The following DNAH2 variants were observed in gnomAD, a reference collection of about 807,000 sequenced individuals.
DNAH2 encodes axonemal beta dynein heavy chain 2.
In DNAH2, 323 loss-of-function variants were observed where a neutral mutation model predicts 523.5. The ratio of observed to expected loss-of-function variants is 0.62; its 90% CI spans 0.56 to 0.68. The LOEUF (loss-of-function observed/expected upper bound fraction) is 0.68, where lower values mean the gene tolerates loss of function less well. Ranked by LOEUF, DNAH2 falls within the 30% of genes least tolerant of loss-of-function variation. The pLI, the probability that DNAH2 is intolerant of heterozygous loss-of-function variation, is 0.00. For missense variants in DNAH2, 4,907 were observed against 5,701.5 expected, an observed-to-expected ratio of 0.86 and a Z score of 4.49; for synonymous variants, 2,093 against 2,177.4, an observed-to-expected ratio of 0.96 and a Z score of 1.08.
intron 44 of DNAH2, among the ~76,000 whole-genome samples, chr17:7,788,597 C>T (rs1334331112): frequency 6.6e-6 from 1 of 152,174 alleles, no homozygotes; most frequent in African/African-American, 2.4e-5. Context: ...AGATGAGGCC[C>T]TGGGACACCA....
rs2075255704 is a variant in DNAH2, at chr17:7,739,841, AT to A, written c.1281del (p.Ile427MetfsTer43). 1 of 1,613,566 alleles carries A rather than the reference AT, an allele frequency of 6.2e-7. No homozygotes were observed. Among genetic ancestry groups the A allele is most frequent in the Non-Finnish European group, 8.5e-7 (1 of 1,179,958 alleles). ...ACAGATAACACGGAACTTGCTGGAG[AT>A]TGAGGACATCTTTCATAAAAATCTG... ...GPQITRNLLE[I>X]EDIFHKNLHT... is the part of the protein sequence containing the mutation. On this transcript the variant is annotated frameshift_variant, in exon 9 of 86. Coordinates refer to ENST00000572933, the MANE Select transcript of DNAH2 (RefSeq NM_020877.5). LOFTEE classifies it high-confidence loss of function.
intron 7 of DNAH2, 88 bp from the exon 8 acceptor site, chr17:7,736,979 T>A: frequency 1.7e-6 from 2 of 1,157,822 alleles, no homozygotes; most frequent in South Asian, 3.1e-5. Flanking sequence ...TAAAACTCCA[T>A]CTAAAATAAA....
At position 7,804,305 on chromosome 17, in the gene DNAH2, C is replaced by T. The variant is rs770025508; in HGVS notation, c.9022C>T (p.Arg3008Trp). ...QELLAQANKLRTGLFKIDETR... is the reference protein window; with the variant it reads ...QELLAQANKLWTGLFKIDETR... ...GCTGCTGGCCCAAGCCAATAAACTGCGGACAGGCTTGTTCAAGATCGACGA... is the reference window on the plus strand; with the variant it reads ...GCTGCTGGCCCAAGCCAATAAACTGTGGACAGGCTTGTTCAAGATCGACGA... Residue 3008 changes from arginine (R) to tryptophan (W), a missense_variant, in exon 59 of 86, where the codon CGG becomes TGG. By Grantham distance (101) the Arg-to-Trp change is moderately radical. This residue lies in a region of DNAH2 where 1,851 missense variants were observed against 2,139.4 expected (regional missense o/e 0.87). Coordinates refer to ENST00000572933, the MANE Select transcript of DNAH2 (RefSeq NM_020877.5). The T allele has an allele frequency of 1.9e-5, 31 of 1,614,040 alleles. No individual in the cohort carries two copies. The highest frequency in any genetic ancestry group is 8.8e-5 in the South Asian group (8 of 91,086).
At chr17:7,782,438 A>G (rs1166882622) in intron 39 of DNAH2, among the ~76,000 whole-genome samples, 1 of 152,212 alleles carries the variant, frequency 6.6e-6, no homozygotes, top group Non-Finnish European at 1.5e-5. Flanking sequence ...TTCAATATTA[A>G]GTAGTTCTAG....
chr17:7,757,113 G>T lies in DNAH2; in HGVS notation c.1927G>T (p.Glu643Ter). 6.2e-7 allele frequency: 1 copy of T among 1,614,120 alleles called. No individual in the cohort carries two copies. The highest frequency in any genetic ancestry group is 8.5e-7 in the Non-Finnish European group (1 of 1,180,006). ...AAGGTCCCTTCTGATTCTCTTTGCG[G>T]AAATTGACTACTGGGAGCGGCTGCT... ...FDKSLLILFA[E>*]IDYWERLLFE... The change falls in exon 13 of 86, where the codon GAA becomes TAA. Residue 643 changes from glutamate (E) to a stop codon, truncating the protein, a stop_gained. Transcript: ENST00000572933. LOFTEE classifies it high-confidence loss of function.
At chr17:7,765,190 C>T (rs1035270395) in intron 20 of DNAH2, among the ~76,000 whole-genome samples, 2 of 151,980 alleles carry the variant, frequency 1.3e-5, no homozygotes, top group Non-Finnish European at 2.9e-5. Flanking sequence ...AGAGGGCAGA[C>T]CTCCTGCTCC....
chr17:7,777,381 A>G, intron 32 of DNAH2, 65 bp from the exon 33 acceptor site: 1 of 1,582,038 alleles, frequency 6.3e-7, no homozygotes, highest in Non-Finnish European at 8.7e-7. Context: ...GGGTAGGGGC[A>G]AGGGTTGATC....
intron 13 of DNAH2, 104 bp from the exon 14 acceptor site, chr17:7,758,391 G>A (rs1267873977): frequency 2.9e-6 from 4 of 1,394,260 alleles, no homozygotes; most frequent in African/African-American, 1.4e-5. Context: ...CTAGAATCTA[G>A]ACTAGTGGTC....
intron 73 of DNAH2, 113 bp from the exon 74 acceptor site, chr17:7,823,329 C>A: frequency 9.5e-7 from 1 of 1,051,298 alleles, no homozygotes; most frequent in Non-Finnish European, 1.3e-6. Flanking sequence ...GGTTTTCCCA[C>A]CGAGAGAGAG....
chr17:7,797,819 T>G lies in DNAH2; in HGVS notation c.8220T>G (p.Ala2740=), dbSNP rs2077108086. Residue 2740 remains alanine (A), a synonymous_variant, in exon 53 of 86, where the codon GCT becomes GCG. Coordinates refer to ENST00000572933, the MANE Select transcript of DNAH2 (RefSeq NM_020877.5). ...VPMQLVLFRE[A]IEHITRIVRV... is the part of the protein sequence containing the mutation. ...TGCAGCTAGTGCTCTTCCGAGAGGC[T>G]ATTGAACACAGTGAGCACCTGCCAC... The G allele has an allele frequency of 6.2e-7, 1 of 1,611,668 alleles. No individual in the cohort carries two copies. The highest frequency in any genetic ancestry group is 1.3e-5 in the African/African-American group (1 of 74,866).
Position 7,760,711 on chromosome 17 carries a change from T to C in DNAH2, c.2786-29T>C. ...GAAGTTGGGTTGGGGTGGAAGTCAGTGAGAAGCATCTTTCTTGGTCCTTTG... is the reference window on the plus strand; with the variant it reads ...GAAGTTGGGTTGGGGTGGAAGTCAGCGAGAAGCATCTTTCTTGGTCCTTTG... On this transcript the variant is annotated intron_variant, in intron 17 of 85. Transcript: ENST00000572933. The surrounding 1 kb of genome is among the most constrained non-coding windows in gnomAD (Gnocchi z 4.0). 2 of 1,597,116 alleles carry C rather than the reference T, an allele frequency of 1.3e-6. No homozygotes were observed. Among genetic ancestry groups the C allele is most frequent in the Non-Finnish European group, 1.7e-6 (2 of 1,169,614 alleles).
In DNAH2 at chr17:7,774,773, T is replaced by C. The variant is rs773194190; in HGVS notation, c.4516T>C (p.Leu1506=). 13 of 1,613,916 alleles carry C rather than the reference T, an allele frequency of 8.1e-6. No individual in the cohort carries two copies. Among genetic ancestry groups the C allele is most frequent in the Non-Finnish European group, 1.0e-5 (12 of 1,179,932 alleles). ...CTTCTTCCCAGGCCTCCTGGACACA[T>C]TGATAGAAATGAATACAATCCTGGA... ...STHHPGLLDT[L]IEMNTILEDI... The change falls in exon 29 of 86, where the codon TTG becomes CTG. Residue 1506 remains leucine (L), a synonymous_variant. Coordinates refer to ENST00000572933, the MANE Select transcript of DNAH2 (RefSeq NM_020877.5).
rs528577089 is a variant in DNAH2 at position 7,816,828 on chromosome 17, C to T, written c.9894+93C>T. The T allele has an allele frequency of 1.0e-4, 149 of 1,494,610 alleles. 1 individual carries two copies. Among genetic ancestry groups the T allele is most frequent in the South Asian group, 9.3e-4 (72 of 77,120 alleles). The allele number at this position is 1,494,610 out of a possible 1,614,324, so 92.6% of individuals were successfully genotyped here. ...TAGCTTGAGGAGCAGTCAGGGAAAA[C>T]GGGGACACCTGGGTATAGGGAACTC... On this transcript the variant is annotated intron_variant, in intron 64 of 85. Transcript: ENST00000572933.
At position 7,759,588 on chromosome 17, in the gene DNAH2, A is replaced by T; in HGVS notation, c.2615A>T (p.Asp872Val). The T allele has an allele frequency of 6.2e-7, 1 of 1,614,112 alleles. No homozygotes were observed. Among genetic ancestry groups the T allele is most frequent in the East Asian group, 2.2e-5 (1 of 44,894 alleles). The change falls in exon 16 of 86, where the codon GAT (aspartate) becomes GTT (valine). Residue 872 changes from aspartate (D) to valine (V), a missense_variant. Transcript: ENST00000572933. ...LFQVLVILKNDLQGSVAQVEF... is the reference protein window; with the variant it reads ...LFQVLVILKNVLQGSVAQVEF... ...CAAGTCCTTGTCATTTTGAAGAATG[A>T]TCTGCAAGGAAGTGTGGCACAGGTA...
intron 56 of DNAH2, 82 bp from the exon 57 acceptor site, chr17:7,801,496 T>G: frequency 6.3e-7 from 1 of 1,582,932 alleles, no homozygotes; most frequent in African/African-American, 1.3e-5. Context: ...TCTTAGAAAG[T>G]GAGTGGATGC....
At chr17:7,756,657 A>G (rs2075847874) in intron 12 of DNAH2, among the ~76,000 whole-genome samples, 1 of 151,674 alleles carries the variant, frequency 6.6e-6, no homozygotes, top group African/African-American at 2.4e-5. Flanking sequence ...TTAATGGGAT[A>G]TTTTCTATTA....
At chr17:7,790,021 A>T (rs1383870644) in intron 44 of DNAH2, among the ~76,000 whole-genome samples, 1 of 152,156 alleles carries the variant, frequency 6.6e-6, no homozygotes, top group Non-Finnish European at 1.5e-5. Context: ...TCTGCTTTGC[A>T]TAGTAAAGCA....
intron 4 of DNAH2, among the ~76,000 whole-genome samples, chr17:7,729,874 CA>C: frequency 6.6e-6 from 1 of 152,036 alleles, no homozygotes; most frequent in Non-Finnish European, 1.5e-5. Context: ...CTTCCAGGGG[CA>C]AAAATAAACT....
At chr17:7,733,685 G>A (rs1418869841) in intron 5 of DNAH2, among the ~76,000 whole-genome samples, 1 of 151,870 alleles carries the variant, frequency 6.6e-6, no homozygotes. Flanking sequence ...CACCATGTTG[G>A]CCAGGCTGGT....
Sources: allele counts gnomAD v4.1 joint callset (sites outside exome capture counted in the v4.1 genomes callset), GRCh38; gene constraint gnomAD v4.1.1; regional missense constraint gnomAD v4.1.1; non-coding constraint Gnocchi (gnomAD v3.1); transcripts MANE v1.5; gene names NCBI Gene and HGNC (gene_info 2026-07-23, HGNC 2026-07-21).